The following ZNF738 variants were observed in gnomAD, a reference collection of about 807,000 sequenced individuals.
The protein encoded by ZNF738 is zinc finger protein 738.
In ZNF738, 10 loss-of-function variants were observed where a neutral mutation model predicts 9.2. The ratio of observed to expected loss-of-function variants is 1.09; its 90% CI spans 0.67 to 1.85. ZNF738 has a LOEUF of 1.85. Among genes scored for constraint, ZNF738 ranks in the 40% most tolerant of loss-of-function variants. ZNF738 has a pLI of 0.00. For synonymous variants in ZNF738, 113 were observed against 94.5 expected (o/e 1.20, Z -1.14); for missense variants, 346 against 283.6 (o/e 1.22, Z -1.58).
chr19:21,372,661 AT>A (rs1341054011), intron 2 of ZNF738: 1 of 152,210 alleles, frequency 6.6e-6, no homozygotes, highest in African/African-American at 2.4e-5. Context: ...ACACAAAAAA[AT>A]TTCTCTAAAC....
At position 21,375,310 on chromosome 19, in the gene ZNF738, C is replaced by G. The variant is rs775718814; in HGVS notation, c.169C>G (p.Gln57Glu). ...EEWQCLDTAQ[Q>E]DLYRKVMLEN... ...GTGGCAATGCCTGGACACTGCTCAG[C>G]AAGATTTGTATAGGAAAGTGATGTT... Residue 57 changes from glutamine (Q) to glutamate (E), a missense_variant, in exon 3 of 5, where the codon CAA becomes GAA. Physicochemically the swap from Gln to Glu is conservative, Grantham distance 29. Transcript: ENST00000683779. 2.7e-6 allele frequency: 3 copies of G among 1,107,958 alleles called. No individual in the cohort carries two copies. In the African/African-American group the frequency reaches 4.6e-5, roughly 17 times the overall value. 68.6% of individuals were successfully genotyped at this position (1,107,958 alleles called of 1,614,324 possible).
chr19:21,370,104 G>T (rs541772225), intron 2 of ZNF738, among the ~76,000 whole-genome samples: 1 of 152,300 alleles, frequency 6.6e-6, no homozygotes, highest in Admixed American at 6.5e-5. Context: ...GAGCCACCAT[G>T]CCCATAATGG....
rs1974060045 is a variant in ZNF738, at chr19:21,385,812, T to C, written c.*2138T>C. On this transcript the variant is annotated 3_prime_UTR_variant, in exon 5 of 5. Transcript: ENST00000683779. ...AAGGTTTTTATTGATTCTCATACTT[T>C]ACTAAAAATAAGGTGATTCATTCTG... is the stretch of plus-strand genomic sequence containing the variant. Among the ~76,000 whole-genome samples, 1 of 152,172 alleles carries C rather than the reference T, an allele frequency of 6.6e-6. No individual in the cohort carries two copies. The highest frequency in any genetic ancestry group is 1.5e-5 in the Non-Finnish European group (1 of 68,030).
At chr19:21,362,094 AATG>A (rs1238984311) in intron 2 of ZNF738, among the ~76,000 whole-genome samples, 1 of 140,732 alleles carries the variant, frequency 7.1e-6, no homozygotes, top group Non-Finnish European at 1.5e-5. Flanking sequence ...TAATAATAAT[AATG>A]ATAATAATAA....
rs1309534819 is a variant in ZNF738 at position 21,375,366 on chromosome 19, T to G, written c.223+2T>G. The G allele has an allele frequency of 1.2e-6, 1 of 821,482 alleles. No homozygotes were observed. The highest frequency in any genetic ancestry group is 2.5e-5 in the East Asian group (1 of 40,070). 50.9% of individuals were successfully genotyped at this position (821,482 alleles called of 1,614,324 possible). A position where few individuals can be genotyped will look rare whatever the true frequency, so the allele number is the denominator to read the frequency against. On this transcript the variant is annotated splice_donor_variant, in intron 3 of 4. Transcript: ENST00000683779. LOFTEE classifies it high-confidence loss of function. ...ACTTCAGAAACCTGGTGTTCTTGGG[T>G]GAGAATAACTTTAATACACAATTCC...
At chr19:21,381,744 C>T (rs1195522233) in intron 4 of ZNF738, 16 of 292,626 alleles carry the variant, frequency 5.5e-5, no homozygotes, top group Admixed American at 2.9e-4. Flanking sequence ...CCACCCACCT[C>T]GGCCTCCCAA....
chr19:21,388,373 A>G lies in ZNF738; in HGVS notation c.*4699A>G, dbSNP rs1974092415. Among the ~76,000 whole-genome samples, 3 of 152,148 alleles carry G rather than the reference A, an allele frequency of 2.0e-5. No homozygotes were observed. The highest frequency in any genetic ancestry group is 4.1e-4 in the South Asian group (2 of 4,834). ...TAGGTGGGCATTTATGATCTTTTCTATGGACAAGTAAGGACATTAGAATGT... is the reference window on the plus strand; with the variant it reads ...TAGGTGGGCATTTATGATCTTTTCTGTGGACAAGTAAGGACATTAGAATGT... On this transcript the variant is annotated 3_prime_UTR_variant, in exon 5 of 5. Transcript: ENST00000683779.
chr19:21,387,606 T>C lies in ZNF738; in HGVS notation c.*3932T>C, dbSNP rs1283641931. Reference sequence around the variant, plus strand: ...AAGCATTTATGTTTGAGAAAAATTATACAAATACAGACTGTGAAAAAGACA... The same window carrying C: ...AAGCATTTATGTTTGAGAAAAATTACACAAATACAGACTGTGAAAAAGACA... On this transcript the variant is annotated 3_prime_UTR_variant, in exon 5 of 5. Transcript: ENST00000683779. Among the ~76,000 whole-genome samples, 2 of 152,206 alleles carry C rather than the reference T, an allele frequency of 1.3e-5. No individual in the cohort carries two copies. Among genetic ancestry groups the C allele is most frequent in the Non-Finnish European group, 2.9e-5 (2 of 68,040 alleles).
intron 2 of ZNF738, among the ~76,000 whole-genome samples, chr19:21,363,065 G>A (rs1599710647): frequency 6.6e-6 from 1 of 152,112 alleles, no homozygotes; most frequent in South Asian, 2.1e-4. Flanking sequence ...ATGAAACTTG[G>A]TATTGCCTGG....
Position 21,383,791 on chromosome 19 carries a change from T to C in ZNF738, c.*117T>C. ...AAGCTTTTAAACAGTCCTCAAACCT[T>C]ACTACTCATGAAAATTCATTCTGGA... On this transcript the variant is annotated 3_prime_UTR_variant, in exon 5 of 5. Transcript: ENST00000683779. The C allele has an allele frequency of 8.4e-7, 1 of 1,196,940 alleles. No homozygotes were observed. Among genetic ancestry groups the C allele is most frequent in the Non-Finnish European group, 1.2e-6 (1 of 810,494 alleles). The allele number at this position is 1,196,940 out of a possible 1,614,324, so 74.1% of individuals were successfully genotyped here.
In ZNF738 at chr19:21,359,015, TG is replaced by T. The variant is rs150805321; in HGVS notation, c.-124del. 1.3e-3 allele frequency: 987 copies of T among 766,308 alleles called. 2 individuals are homozygous for T. The highest frequency in any genetic ancestry group is 1.8e-3 in the Non-Finnish European group (749 of 417,170). The allele number at this position is 766,308 out of a possible 1,614,324, so 47.5% of individuals were successfully genotyped here. ...CCGCTTCTTTGTCTTTGGCTGCCGCTGGAACTCCGGGTCTCGTCTTCACTGC... is the reference window on the plus strand; with the variant it reads ...CCGCTTCTTTGTCTTTGGCTGCCGCTGAACTCCGGGTCTCGTCTTCACTGC... On this transcript the variant is annotated 5_prime_UTR_variant, in exon 1 of 5. Coordinates refer to ENST00000683779, the MANE Select transcript of ZNF738 (RefSeq NM_001355237.2).
intron 2 of ZNF738, among the ~76,000 whole-genome samples, chr19:21,369,948 G>A (rs1360213481): frequency 3.3e-5 from 5 of 151,860 alleles, no homozygotes; most frequent in Admixed American, 6.6e-5. Context: ...TGAGTAGCTG[G>A]GATTACAAGC....
chr19:21,375,788 C>G lies in ZNF738; in HGVS notation c.224-81C>G, dbSNP rs1973919886. ...TGAATTTTCTAGAATATTCTATTAC[C>G]TCCTCTTTACTAAGCACAGTAATAG... is the stretch of plus-strand genomic sequence containing the variant. On this transcript the variant is annotated intron_variant, in intron 3 of 4. Transcript: ENST00000683779. The G allele has an allele frequency of 9.9e-6, 6 of 605,418 alleles. No individual in the cohort carries two copies. The Admixed American group carries it at 1.3e-4, about 13-fold the overall frequency. The allele number at this position is 605,418 out of a possible 1,614,324, so 37.5% of individuals were successfully genotyped here.
chr19:21,371,682 G>T (rs987273823), intron 2 of ZNF738, among the ~76,000 whole-genome samples: 2 of 152,174 alleles, frequency 1.3e-5, no homozygotes, highest in Non-Finnish European at 2.9e-5. Context: ...GTGAATAGAA[G>T]TGTGCAAAAA....
chr19:21,380,543 A>G (rs997170973), intron 4 of ZNF738, among the ~76,000 whole-genome samples: 11 of 152,168 alleles, frequency 7.2e-5, no homozygotes, highest in Admixed American at 5.9e-4. Flanking sequence ...AACTAAAAGA[A>G]TCAAAGTCAG....
chr19:21,362,097 GATAATAATAATAATAATAATA>G (rs55672173), intron 2 of ZNF738, among the ~76,000 whole-genome samples: 1 of 148,110 alleles, frequency 6.8e-6, no homozygotes, highest in African/African-American at 2.5e-5. Context: ...TAATAATAAT[GATAATAATAATAATAATAATA>G]ATAATAATAA....
chr19:21,363,350 A>C (rs868649182), intron 2 of ZNF738, among the ~76,000 whole-genome samples: 12 of 152,244 alleles, frequency 7.9e-5, no homozygotes, highest in Middle Eastern at 6.8e-3. Context: ...TGAGACTGTA[A>C]AAGTAGGTTA....
intron 4 of ZNF738, 65 bp from the exon 5 acceptor site, chr19:21,382,801 G>T (rs371487244): frequency 3.0e-5 from 9 of 295,908 alleles, no homozygotes; most frequent in African/African-American, 1.5e-4. Context: ...TCATAGTTTA[G>T]ATTTGTAATC....
intron 2 of ZNF738, among the ~76,000 whole-genome samples, chr19:21,371,033 T>C (rs183159013): frequency 9.7e-4 from 148 of 152,290 alleles, no homozygotes; most frequent in Admixed American, 2.7e-3. Context: ...CTGGTGTAAA[T>C]AGAATCTGAT....
Sources: gnomAD v4.1 joint callset for allele counts (sites outside exome capture counted in the v4.1 genomes callset) on GRCh38, gnomAD v4.1.1 for gene constraint, MANE v1.5 for transcripts, NCBI Gene and HGNC (gene_info 2026-07-23, HGNC 2026-07-21) for gene names.